The following SPTLC2 variants were observed in gnomAD, a reference collection of about 807,000 sequenced individuals.
SPTLC2 encodes the protein serine palmitoyltransferase 2.
A neutral mutation model predicts 62.0 loss-of-function variants in SPTLC2; 21 were observed. The observed-to-expected ratio is 0.34, with a 90% CI of 0.24 to 0.49. The LOEUF is 0.49. Among genes scored for constraint, SPTLC2 ranks in the 20% least tolerant of loss-of-function variants. The probability of loss-of-function intolerance (pLI) is 0.99; values close to 1 mark genes in which losing one functional copy is unlikely to be tolerated. For synonymous variants in SPTLC2, 261 were observed against 261.8 expected, an observed-to-expected ratio of 1.00 and a Z score of 0.03; for missense variants, 511 against 713.0, an observed-to-expected ratio of 0.72 and a Z score of 3.23.
At chr14:77,556,446 T>A (rs2079584484) in intron 7 of SPTLC2, among the ~76,000 whole-genome samples, 1 of 152,202 alleles carries the variant, frequency 6.6e-6, no homozygotes, top group Non-Finnish European at 1.5e-5. Flanking sequence ...CATGAGACTT[T>A]GCATCACGTT....
Position 77,512,131 on chromosome 14 carries a change from A to C in SPTLC2, c.*153T>G. The C allele has an allele frequency of 3.0e-6, 3 of 994,044 alleles. No individual in the cohort carries two copies. The highest frequency in any genetic ancestry group is 4.6e-6 in the Non-Finnish European group (3 of 657,148). The allele number at this position is 994,044 out of a possible 1,614,324, so 61.6% of individuals were successfully genotyped here. A position where few individuals can be genotyped will look rare whatever the true frequency, so the allele number is the denominator to read the frequency against. On this transcript the variant is annotated 3_prime_UTR_variant, in exon 12 of 12. Transcript: ENST00000216484. ...GAAGCAGTTTTTTACTATTTACAAA[A>C]TGTCATTTAGAGTGGAGGTGGCCAC...
chr14:77,565,108 G>C (rs1488100420), intron 5 of SPTLC2, among the ~76,000 whole-genome samples: 1 of 151,822 alleles, frequency 6.6e-6, no homozygotes, highest in Admixed American at 6.6e-5. Context: ...CGGGCATGGT[G>C]GTGGGTGCCT....
chr14:77,560,626 TAA>T (rs1366145589), intron 6 of SPTLC2, among the ~76,000 whole-genome samples: 7 of 36,264 alleles, frequency 1.9e-4, no homozygotes, highest in Non-Finnish European at 4.3e-4. Flanking sequence ...AAAATAAAAA[TAA>T]AAATATATAT....
intron 9 of SPTLC2, among the ~76,000 whole-genome samples, chr14:77,522,807 AG>A (rs2079391101): frequency 6.6e-6 from 1 of 152,222 alleles, no homozygotes; most frequent in East Asian, 1.9e-4. Context: ...AAAATCAGCA[AG>A]TTCATATTTT....
intron 2 of SPTLC2, among the ~76,000 whole-genome samples, chr14:77,592,231 T>C (rs2079821911): frequency 6.6e-6 from 1 of 151,748 alleles, no homozygotes; most frequent in African/African-American, 2.4e-5. Flanking sequence ...GCCTCCCAGG[T>C]TCAAGCCATT....
At chr14:77,565,859 G>C (rs1470124308) in intron 5 of SPTLC2, among the ~76,000 whole-genome samples, 4 of 152,130 alleles carry the variant, frequency 2.6e-5, no homozygotes, top group African/African-American at 9.7e-5. Flanking sequence ...TTAACATAAA[G>C]GGAAGCTGAA....
intron 1 of SPTLC2, among the ~76,000 whole-genome samples, chr14:77,611,800 TGG>T (rs2079939528): frequency 6.7e-6 from 1 of 149,892 alleles, no homozygotes; most frequent in Non-Finnish European, 1.5e-5. Context: ...CACTCCAGCC[TGG>T]GCGACAGAGT....
At chr14:77,601,928 T>C (rs952456277) in intron 1 of SPTLC2, among the ~76,000 whole-genome samples, 1 of 152,210 alleles carries the variant, frequency 6.6e-6, no homozygotes, top group African/African-American at 2.4e-5. Context: ...CTTCCCTTGG[T>C]GTTTAATCAT....
intron 4 of SPTLC2, among the ~76,000 whole-genome samples, chr14:77,573,892 A>G (rs1440634890): frequency 6.6e-6 from 1 of 152,192 alleles, no homozygotes; most frequent in Non-Finnish European, 1.5e-5. Context: ...TTGGCCTCCC[A>G]AAGTGCTGAG....
At chr14:77,534,109 G>A (rs944131141) in intron 9 of SPTLC2, among the ~76,000 whole-genome samples, 2 of 151,940 alleles carry the variant, frequency 1.3e-5, no homozygotes, top group Admixed American at 6.6e-5. Context: ...AGTGAGCTGA[G>A]AGCATGCCGC....
At chr14:77,536,018 A>G in intron 9 of SPTLC2, 1 of 442,970 alleles carries the variant, frequency 2.3e-6, no homozygotes, top group Non-Finnish European at 4.5e-6. Flanking sequence ...GAGATAGGAA[A>G]CACAAAAGAA....
intron 9 of SPTLC2, among the ~76,000 whole-genome samples, chr14:77,522,382 C>T (rs188168429): frequency 1.5e-3 from 230 of 152,228 alleles, no homozygotes; most frequent in African/African-American, 5.2e-3. Context: ...AGGCTGGTCT[C>T]GAACACCTAA....
At chr14:77,583,593 A>G (rs900523078) in intron 2 of SPTLC2, among the ~76,000 whole-genome samples, 6 of 151,990 alleles carry the variant, frequency 3.9e-5, no homozygotes, top group Non-Finnish European at 7.4e-5. Flanking sequence ...CCTCCTCCTC[A>G]GTTTGGTCAC....
intron 9 of SPTLC2, among the ~76,000 whole-genome samples, chr14:77,536,507 G>C (rs2079471684): frequency 6.6e-6 from 1 of 151,908 alleles, no homozygotes; most frequent in Non-Finnish European, 1.5e-5. Context: ...TTTTAGTATA[G>C]AGTTCTGCAC....
At chr14:77,525,773 G>C (rs949523646) in intron 9 of SPTLC2, among the ~76,000 whole-genome samples, 1 of 152,132 alleles carries the variant, frequency 6.6e-6, no homozygotes, top group Non-Finnish European at 1.5e-5. Context: ...AATTAGCCGG[G>C]CGTGGTGGTG....
At chr14:77,568,948 T>C (rs1268617086) in intron 5 of SPTLC2, among the ~76,000 whole-genome samples, 1 of 152,182 alleles carries the variant, frequency 6.6e-6, no homozygotes, top group African/African-American at 2.4e-5. Context: ...AGGTTACAAT[T>C]TTTTGAATTG....
chr14:77,596,602 ACAAC>A (rs1251640246), intron 2 of SPTLC2, among the ~76,000 whole-genome samples: 1 of 152,228 alleles, frequency 6.6e-6, no homozygotes, highest in Non-Finnish European at 1.5e-5. Flanking sequence ...TCTTCCCCAG[ACAAC>A]CATGCTCATA....
chr14:77,596,306 T>G (rs557548691), intron 2 of SPTLC2, among the ~76,000 whole-genome samples: 1 of 146,420 alleles, frequency 6.8e-6, no homozygotes, highest in East Asian at 2.0e-4. Flanking sequence ...GCCACTGCAC[T>G]CCAGCCTGGG....
chr14:77,543,837 T>C (rs1282225325), intron 9 of SPTLC2, among the ~76,000 whole-genome samples: 1 of 151,926 alleles, frequency 6.6e-6, no homozygotes, highest in Non-Finnish European at 1.5e-5. Context: ...GCATTTAGAG[T>C]TCCAGAAACA....
Sources: gnomAD v4.1 joint callset for allele counts (sites outside exome capture counted in the v4.1 genomes callset) on GRCh38, gnomAD v4.1.1 for gene constraint, MANE v1.5 for transcripts, NCBI Gene and HGNC (gene_info 2026-07-23, HGNC 2026-07-21) for gene names.